BAZ2B: variants seen among roughly 807,000 people sequenced by gnomAD.
The protein encoded by BAZ2B is bromodomain adjacent to zinc finger domain protein 2B.
BAZ2B carries 91 observed loss-of-function variants against 246.0 expected under a neutral mutation model. That is an observed-to-expected ratio of 0.37 (90% CI 0.31 to 0.44). BAZ2B has a LOEUF of 0.44. Ranked by LOEUF, BAZ2B falls within the 20% of genes least tolerant of loss-of-function variation. The pLI is 1.00. For synonymous variants in BAZ2B, 855 were observed against 860.0 expected (o/e 0.99, Z 0.10); for missense variants, 2,332 against 2,533.7 (o/e 0.92, Z 1.71).
At chr2:159,331,841 A>G (rs565954646) in intron 34 of BAZ2B, among the ~76,000 whole-genome samples, 1 of 152,336 alleles carries the variant, frequency 6.6e-6, no homozygotes, top group African/African-American at 2.4e-5. Context: ...GGATAATGGG[A>G]TAATGACACA....
At chr2:159,317,387 A>T (rs1385561079), downstream of BAZ2B, among the ~76,000 whole-genome samples, 1 of 152,254 alleles carries the variant, frequency 6.6e-6, no homozygotes, top group Non-Finnish European at 1.5e-5. Flanking sequence ...TGGAGTTGGA[A>T]CAAGAAAAAG....
chr2:159,561,314 C>A (rs2089844630), intron 1 of BAZ2B, among the ~76,000 whole-genome samples: 1 of 152,122 alleles, frequency 6.6e-6, no homozygotes, highest in Non-Finnish European at 1.5e-5. Flanking sequence ...AGCCAAGACA[C>A]CTTTGGGTTT....
chr2:159,334,466 T>C (rs559072323), intron 33 of BAZ2B, among the ~76,000 whole-genome samples: 17 of 152,334 alleles, frequency 1.1e-4, no homozygotes, highest in African/African-American at 2.9e-4. Flanking sequence ...CAAAAGGGTA[T>C]TTCTAAAGAT....
chr2:159,617,159 T>G (rs1696183544), upstream of BAZ2B: 1 of 151,876 alleles, frequency 6.6e-6, no homozygotes, highest in Non-Finnish European at 1.5e-5. Flanking sequence ...TTCTGAGAGA[T>G]TAGAAAAAAA....
the BAZ2B span, among the ~76,000 whole-genome samples, chr2:159,698,893 T>C: frequency 6.6e-6 from 1 of 152,210 alleles, no homozygotes; most frequent in Non-Finnish European, 1.5e-5. Context: ...AAGAAGACAA[T>C]ATTTACTCTG....
At chr2:159,711,872 T>G in the BAZ2B span, 1 of 152,348 alleles carries the variant, frequency 6.6e-6, no homozygotes, top group African/African-American at 2.4e-5. Flanking sequence ...TAAAGGTTAC[T>G]ATCACGATTT....
intron 1 of BAZ2B, among the ~76,000 whole-genome samples, chr2:159,599,759 AC>A (rs2151752565): frequency 6.6e-6 from 1 of 151,936 alleles, no homozygotes; most frequent in African/African-American, 2.4e-5. Context: ...ACACGGTGAA[AC>A]CCCATCTCTA....
chr2:159,365,864 T>C (rs995647176), intron 27 of BAZ2B, among the ~76,000 whole-genome samples: 2 of 152,186 alleles, frequency 1.3e-5, no homozygotes, highest in African/African-American at 4.8e-5. Context: ...GAAAGTGTGG[T>C]TGGAGCATGA....
At chr2:159,635,103 C>G in the BAZ2B span, among the ~76,000 whole-genome samples, 1 of 152,088 alleles carries the variant, frequency 6.6e-6, no homozygotes, top group African/African-American at 2.4e-5. Context: ...CTTTAATGTG[C>G]AGCTTTGGGT....
chr2:159,505,113 A>G (rs1253183354), intron 2 of BAZ2B, among the ~76,000 whole-genome samples: 1 of 152,250 alleles, frequency 6.6e-6, no homozygotes, highest in Non-Finnish European at 1.5e-5. Context: ...AAATGGAGGT[A>G]GTCATATACT....
intron 13 of BAZ2B, among the ~76,000 whole-genome samples, chr2:159,417,385 G>A (rs920326128): frequency 6.6e-6 from 1 of 152,084 alleles, no homozygotes; most frequent in Non-Finnish European, 1.5e-5. Context: ...TGGCCAGGCT[G>A]GTCTTGAACT....
rs374043858 is a variant in BAZ2B, at chr2:159,349,049, C to T, written c.5095G>A (p.Ala1699Thr). Residue 1699 changes from alanine (A) to threonine (T), a missense_variant, in exon 29 of 37, where the codon GCA becomes ACA. Coordinates refer to ENST00000392783, the MANE Select transcript of BAZ2B (RefSeq NM_013450.4). The stretch of plus-strand genomic sequence containing the variant: ...GGACTAGGAAAATCTACTGGTTTTG[C>T]TACTTCAACAGCTGCAGGTTGAGCT... ...TSAQPAAVEVAKPVDFPSPKP... is the reference protein window; with the variant it reads ...TSAQPAAVEVTKPVDFPSPKP... 2.4e-5 allele frequency: 38 copies of T among 1,614,106 alleles called. No homozygotes were observed. In the African/African-American group the frequency reaches 4.5e-4, roughly 19 times the overall value.
At chr2:159,709,397 G>A in the BAZ2B span, among the ~76,000 whole-genome samples, 2 of 152,272 alleles carry the variant, frequency 1.3e-5, no homozygotes, top group South Asian at 4.1e-4. Context: ...TAATAGAGTA[G>A]AATGACTATA....
In BAZ2B at chr2:159,350,091, T is replaced by G; in HGVS notation, c.4480A>C (p.Asn1494His). The G allele has an allele frequency of 2.5e-6, 4 of 1,614,118 alleles. No homozygotes were observed. Among genetic ancestry groups the G allele is most frequent in the Non-Finnish European group, 3.4e-6 (4 of 1,180,018 alleles). Residue 1494 changes from asparagine (N) to histidine (H), a missense_variant, in exon 28 of 37, where the codon AAT becomes CAT. By Grantham distance (68) the Asn-to-His change is moderately conservative (BLOSUM62 1). Coordinates refer to ENST00000392783, the MANE Select transcript of BAZ2B (RefSeq NM_013450.4). ...TTCTGATAAGACAACGTGCACCCAT[T>G]TGCACCAGCATTTGGTTTGGGGGTC... ...VMTPKPNAGA[N>H]GCTLSYQNSG...
chr2:159,341,240 AAAAC>A (rs940944829), intron 31 of BAZ2B, among the ~76,000 whole-genome samples: 9 of 138,818 alleles, frequency 6.5e-5, no homozygotes, highest in Non-Finnish European at 1.2e-4. Context: ...TCAGATAAAA[AAAAC>A]AAACAAACAA....
the BAZ2B span, among the ~76,000 whole-genome samples, chr2:159,623,723 A>T: frequency 1.3e-5 from 2 of 152,220 alleles, no homozygotes; most frequent in African/African-American, 4.8e-5. Flanking sequence ...TTTTGCTAGC[A>T]AATCTCACTT....
chr2:159,675,487 A>G, the BAZ2B span, among the ~76,000 whole-genome samples: 81 of 152,310 alleles, frequency 5.3e-4, 2 homozygotes, highest in South Asian at 0.016. Flanking sequence ...GTAGAGTTTT[A>G]TAAAGGGAAA....
At chr2:159,326,100 A>C (rs2063679823) in intron 34 of BAZ2B, among the ~76,000 whole-genome samples, 182 bp from the exon 35 acceptor site, 1 of 152,176 alleles carries the variant, frequency 6.6e-6, no homozygotes, top group Non-Finnish European at 1.5e-5. Flanking sequence ...ATAAGGATAA[A>C]ATCTAATAAA....
At position 159,439,378 on chromosome 2, in the gene BAZ2B, T is replaced by C. The variant is rs186608913; in HGVS notation, c.697-166A>G. Among the ~76,000 whole-genome samples, 983 of 152,334 alleles carry C rather than the reference T, an allele frequency of 6.5e-3. 7 individuals are homozygous for C. Among genetic ancestry groups the C allele is most frequent in the Middle Eastern group, 0.017 (5 of 294 alleles). ...ATAATTATTTAACAAACTGATCAAC[T>C]TAACTTACATGACAGAACTCCTCAA... On this transcript the variant is annotated intron_variant, in intron 6 of 36. Transcript: ENST00000392783.
Sources: allele counts gnomAD v4.1 joint callset (sites outside exome capture counted in the v4.1 genomes callset), GRCh38; gene constraint gnomAD v4.1.1; transcripts MANE v1.5; gene names NCBI Gene and HGNC (gene_info 2026-07-23, HGNC 2026-07-21).